Variants in H3-3A observed in about 807,000 individuals in gnomAD.
H3-3A encodes the protein H3.3 histone A, also known as histone H3.3.
For synonymous variants in H3-3A, 49 were observed against 61.4 expected (o/e 0.80, Z 0.95); for missense variants, 7 against 184.0 (o/e 0.04, Z 5.57).
chr1:226,066,835 T>G (rs994091589), intron 3 of H3-3A: 13 of 152,288 alleles, frequency 8.5e-5, no homozygotes. Context: ...TTTTGCTTTA[T>G]GTATGAGAAA....
At chr1:226,067,014 T>TTTTCTGTTTTAATAG (rs1657947298) in intron 3 of H3-3A, 1 of 152,252 alleles carries the variant, frequency 6.6e-6, no homozygotes, top group Non-Finnish European at 1.5e-5. Context: ...TAAAACTTTA[T>TTTTCTGTTTTAATAG]TTTCTGTTTT....
chr1:226,068,962 C>T (rs998583644), intron 3 of H3-3A, among the ~76,000 whole-genome samples: 9 of 151,644 alleles, frequency 5.9e-5, no homozygotes, highest in East Asian at 3.9e-4. Flanking sequence ...GAGAAACACA[C>T]GTGAAAATAG....
At chr1:226,065,943 G>C (rs1441251953) in intron 3 of H3-3A, 134 bp downstream of exon 3, 1 of 764,548 alleles carries the variant, frequency 1.3e-6, no homozygotes, top group Non-Finnish European at 2.3e-6. Context: ...TCACTGTTGA[G>C]ACTTCAGAAA....
chr1:226,062,512 G>C (rs1310586065), upstream of H3-3A, among the ~76,000 whole-genome samples: 1 of 148,158 alleles, frequency 6.7e-6, no homozygotes, highest in African/African-American at 2.6e-5. Flanking sequence ...ACGGCGCGAG[G>C]CGGCCTGGAG....
At chr1:226,067,935 A>G (rs1329932187) in intron 3 of H3-3A, among the ~76,000 whole-genome samples, 5 of 152,242 alleles carry the variant, frequency 3.3e-5, no homozygotes, top group African/African-American at 4.8e-5. Flanking sequence ...TAGATAATCA[A>G]TAATTGACTT....
At chr1:226,070,802 T>C (rs1658093743) in intron 3 of H3-3A, among the ~76,000 whole-genome samples, 1 of 151,912 alleles carries the variant, frequency 6.6e-6, no homozygotes, top group African/African-American at 2.4e-5. Flanking sequence ...CGGAACTAAC[T>C]TGTGATATGT....
At chr1:226,063,799 CTT>C (rs1305638775) in intron 1 of H3-3A, among the ~76,000 whole-genome samples, 3 of 151,270 alleles carry the variant, frequency 2.0e-5, no homozygotes, top group Non-Finnish European at 2.9e-5. Flanking sequence ...TTGTTCCTCT[CTT>C]GTTTTTTCGA....
chr1:226,063,070 CT>C (rs1459306182), intron 1 of H3-3A, among the ~76,000 whole-genome samples: 10 of 152,082 alleles, frequency 6.6e-5, no homozygotes, highest in African/African-American at 1.9e-4. Flanking sequence ...CCCCGCGCCC[CT>C]GGCTCCTCTT....
At chr1:226,070,085 T>G (rs1658056501) in intron 3 of H3-3A, among the ~76,000 whole-genome samples, 1 of 152,128 alleles carries the variant, frequency 6.6e-6, no homozygotes, top group Non-Finnish European at 1.5e-5. Context: ...TCGATACTAG[T>G]ACTAGAGGGC....
intron 1 of H3-3A, 160 bp from the exon 2 acceptor site, chr1:226,064,169 G>A (rs1657842290): frequency 1.9e-6 from 1 of 537,870 alleles, no homozygotes; most frequent in Non-Finnish European, 3.3e-6. Flanking sequence ...AAGAGATTTT[G>A]GGTAGACGTA....
upstream of H3-3A, among the ~76,000 whole-genome samples, chr1:226,062,525 G>A (rs1411718592): frequency 2.7e-5 from 4 of 146,424 alleles, no homozygotes; most frequent in Non-Finnish European, 4.5e-5. Context: ...GCCTGGAGGA[G>A]GGAGCGGGCG....
intron 3 of H3-3A, among the ~76,000 whole-genome samples, chr1:226,067,916 A>C (rs918044992): frequency 2.0e-5 from 3 of 152,232 alleles, no homozygotes; most frequent in African/African-American, 7.2e-5. Flanking sequence ...AATTAGTCTC[A>C]GTTTGCCATA....
intron 3 of H3-3A, 106 bp from the exon 4 acceptor site, chr1:226,071,245 T>C: frequency 1.2e-6 from 1 of 814,874 alleles, no homozygotes; most frequent in Non-Finnish European, 2.0e-6. Flanking sequence ...TCTTGCCCAG[T>C]CATTTTTTTA....
At chr1:226,064,281 A>G (rs1253136895) in intron 1 of H3-3A, 48 bp from the exon 2 acceptor site, 8 of 1,366,188 alleles carry the variant, frequency 5.9e-6, no homozygotes, top group Non-Finnish European at 5.2e-6. Flanking sequence ...GAAAAGTTGT[A>G]TGTTTGGTAG....
intron 3 of H3-3A, among the ~76,000 whole-genome samples, chr1:226,068,863 A>G (rs1236072417): frequency 6.6e-6 from 1 of 152,176 alleles, no homozygotes; most frequent in Non-Finnish European, 1.5e-5. Flanking sequence ...AGCAAGAGAC[A>G]AGTATGCGAT....
chr1:226,065,054 C>T (rs1244480242), intron 2 of H3-3A, among the ~76,000 whole-genome samples: 2 of 152,282 alleles, frequency 1.3e-5, no homozygotes, highest in East Asian at 3.9e-4. Context: ...AAAGCTCATA[C>T]AGTGGAAGAA....
At chr1:226,070,013 G>A (rs938846947) in intron 3 of H3-3A, among the ~76,000 whole-genome samples, 4 of 152,138 alleles carry the variant, frequency 2.6e-5, no homozygotes, top group African/African-American at 9.7e-5. Context: ...TCATTTTTAA[G>A]TGGTAGTAGG....
chr1:226,064,077 T>C (rs545464135), intron 1 of H3-3A: 2 of 283,488 alleles, frequency 7.1e-6, no homozygotes, highest in Admixed American at 9.8e-5. Flanking sequence ...TATTTTTGTT[T>C]TGCCGTTTGT....
chr1:226,068,554 A>AT (rs1238130282), intron 3 of H3-3A, among the ~76,000 whole-genome samples: 90 of 152,144 alleles, frequency 5.9e-4, no homozygotes, highest in Admixed American at 1.5e-3. Flanking sequence ...ACAATATGCC[A>AT]TTTTTTCCAG....
Sources: allele counts gnomAD v4.1 joint callset (sites outside exome capture counted in the v4.1 genomes callset), GRCh38; gene constraint gnomAD v4.1.1; transcripts MANE v1.5; gene names NCBI Gene and HGNC (gene_info 2026-07-23, HGNC 2026-07-21).